The following CES5A variants were observed in gnomAD, a reference collection of about 807,000 sequenced individuals.
CES5A encodes the protein carboxylesterase 5.
In CES5A, 67 loss-of-function variants were observed where a neutral mutation model predicts 62.9. That is an observed-to-expected ratio of 1.07 (90% confidence interval 0.88 to 1.31). The LOEUF (loss-of-function observed/expected upper bound fraction) is 1.31. Ranked by LOEUF, CES5A falls within the 50% of genes most tolerant of loss-of-function variation. The pLI, the probability that CES5A is intolerant of heterozygous loss-of-function variation, is 0.00. For synonymous variants in CES5A, 296 were observed against 280.8 expected (o/e 1.05, Z -0.54); for missense variants, 748 against 708.5 (o/e 1.06, Z -0.63).
intron 10 of CES5A, among the ~76,000 whole-genome samples, chr16:55,850,527 G>C (rs2033110053): frequency 6.6e-6 from 1 of 152,108 alleles, no homozygotes; most frequent in Non-Finnish European, 1.5e-5. Context: ...TGTTTACAAG[G>C]CTCATCTGTG....
chr16:55,874,874 C>T (rs1262865113), intron 1 of CES5A, among the ~76,000 whole-genome samples: 3 of 152,214 alleles, frequency 2.0e-5, no homozygotes, highest in Non-Finnish European at 2.9e-5. Context: ...CTGTTCCTCA[C>T]GCTTCTCCAG....
At chr16:55,867,532 C>T (rs1258134824) in intron 4 of CES5A, among the ~76,000 whole-genome samples, 4 of 152,188 alleles carry the variant, frequency 2.6e-5, no homozygotes, top group Non-Finnish European at 5.9e-5. Context: ...TGTCTATGAC[C>T]ACTGAGCTGG....
intron 1 of CES5A, among the ~76,000 whole-genome samples, chr16:55,888,541 C>T (rs1335433748): frequency 6.6e-6 from 1 of 152,200 alleles, no homozygotes; most frequent in Non-Finnish European, 1.5e-5. Flanking sequence ...CACTTTTCAT[C>T]CACTACCCTG....
chr16:55,916,771 C>G (rs1218963136), intron 1 of CES5A, among the ~76,000 whole-genome samples: 2 of 152,202 alleles, frequency 1.3e-5, no homozygotes, highest in Non-Finnish European at 2.9e-5. Flanking sequence ...GGACACACCT[C>G]CTGCTGCCTA....
rs771274526 is a variant in CES5A, at chr16:55,846,614, T to C, written c.1565A>G (p.Asp522Gly). The part of the protein sequence containing the change: ...YNLTEQYLQL[D>G]LNMSLGQRLK... Reference sequence around the variant, plus strand: ...TCTCTGTCCGAGGCTCATGTTCAAGTCCAGCTGGAGGTACTGCTCAGTCAG... The same window carrying C: ...TCTCTGTCCGAGGCTCATGTTCAAGCCCAGCTGGAGGTACTGCTCAGTCAG... Residue 522 changes from aspartate to glycine, a missense_variant, in exon 13 of 13, where the codon GAC becomes GGC. Physicochemically the swap from Asp to Gly is moderately conservative, Grantham distance 94 (BLOSUM62 -1). Coordinates refer to ENST00000290567, the MANE Select transcript of CES5A (RefSeq NM_001143685.2). 9.9e-6 allele frequency: 16 copies of C among 1,613,950 alleles called. No individual in the cohort carries two copies. The highest frequency in any genetic ancestry group is 1.3e-5 in the African/African-American group (1 of 74,868).
At chr16:55,952,681 T>C (rs2034570862) in intron 1 of CES5A, among the ~76,000 whole-genome samples, 1 of 151,852 alleles carries the variant, frequency 6.6e-6, no homozygotes, top group Non-Finnish European at 1.5e-5. Context: ...AAACAATAAA[T>C]CACAATAAAC....
chr16:55,941,943 A>T (rs2034450646), intron 2 of CES5A, among the ~76,000 whole-genome samples: 1 of 152,180 alleles, frequency 6.6e-6, no homozygotes, highest in Admixed American at 6.5e-5. Context: ...AGACCTTTTA[A>T]TTGAAAAATA....
intron 2 of CES5A, among the ~76,000 whole-genome samples, chr16:55,938,746 AAAAAAAAAAAAAAAAAAAAAT>A (rs2034405801): frequency 4.4e-5 from 3 of 67,950 alleles, no homozygotes; most frequent in Admixed American, 1.7e-4. Flanking sequence ...AAAAAAAAAA[AAAAAAAAAAAAAAAAAAAAAT>A]ATATATATAT....
chr16:55,873,270 C>T (rs528742419), intron 2 of CES5A, among the ~76,000 whole-genome samples: 5 of 152,288 alleles, frequency 3.3e-5, no homozygotes, highest in African/African-American at 1.2e-4. Flanking sequence ...CTCCCAGAGT[C>T]CCTGCGTCAC....
At chr16:55,860,949 C>CA (rs1469525209) in intron 7 of CES5A, among the ~76,000 whole-genome samples, 2 of 152,232 alleles carry the variant, frequency 1.3e-5, no homozygotes, top group African/African-American at 4.8e-5. Flanking sequence ...TGTCAGCAGT[C>CA]AGCTAGATTT....
rs2033005313 is a variant in CES5A at position 55,846,319 on chromosome 16, A to G, written c.*132T>C. The G allele has an allele frequency of 1.4e-6, 1 of 692,288 alleles. No homozygotes were observed. The allele number at this position is 692,288 out of a possible 1,614,324, so 42.9% of individuals were successfully genotyped here. On this transcript the variant is annotated 3_prime_UTR_variant, in exon 13 of 13. Transcript: ENST00000290567. ...TTCTGTAAGGATCATTCCTAAGTCCATAAAATATCAGCGAAAGCAGCTTGT... is the reference window on the plus strand; with the variant it reads ...TTCTGTAAGGATCATTCCTAAGTCCGTAAAATATCAGCGAAAGCAGCTTGT...
Position 55,854,544 on chromosome 16 carries a change from C to CTTTTTTTTTTTTTTTTTTTTTTTTT in CES5A, c.1126-1517_1126-1516insAAAAAAAAAAAAAAAAAAAAAAAAA, listed in dbSNP as rs56017491. 9.3e-3 allele frequency among the ~76,000 whole-genome samples: 596 copies of CTTTTTTTTTTTTTTTTTTTTTTTTT among 64,284 alleles called. 48 individuals carry two copies. The highest frequency in any genetic ancestry group is 0.011 in the Non-Finnish European group (431 of 38,154). 42.2% of individuals were successfully genotyped at this position (64,284 alleles called of 152,430 possible). On this transcript the variant is annotated intron_variant, in intron 9 of 12. Coordinates refer to ENST00000290567, the MANE Select transcript of CES5A (RefSeq NM_001143685.2). ...CCTGTAGTGTTTCTTTTTTTTTTTTCTTTTTTTTTTTTTGAGACAGAGTCT... is the reference window on the plus strand; with the variant it reads ...CCTGTAGTGTTTCTTTTTTTTTTTTCTTTTTTTTTTTTTTTTTTTTTTTTTTTTTTTTTTTTTTGAGACAGAGTCT...
In CES5A at chr16:55,955,843, C is replaced by T; in HGVS notation, c.42+1G>A. The T allele has an allele frequency of 6.5e-7, 1 of 1,536,068 alleles. No individual in the cohort carries two copies. The highest frequency in any genetic ancestry group is 8.7e-7 in the Non-Finnish European group (1 of 1,146,864). On this transcript the variant is annotated splice_donor_variant, in intron 1 of 13. Coordinates refer to the CES5A transcript ENST00000521992. LOFTEE classifies it high-confidence loss of function. ...AGTAGCACCCTGTGGCTAATACTCA[C>T]CTTTAGGCCATGGCATGAAGCAGGG...
At chr16:55,891,754 G>A (rs1597137518) in intron 1 of CES5A, among the ~76,000 whole-genome samples, 1 of 152,094 alleles carries the variant, frequency 6.6e-6, no homozygotes, top group Non-Finnish European at 1.5e-5. Context: ...GGTTTTGGGG[G>A]TCCATGATAT....
chr16:55,897,668 T>C (rs957690174), intron 1 of CES5A, among the ~76,000 whole-genome samples: 2 of 152,216 alleles, frequency 1.3e-5, no homozygotes, highest in Admixed American at 6.5e-5. Flanking sequence ...AGATCCCACA[T>C]GGGACAGATA....
At chr16:55,895,891 CAA>C (rs1258250053) in intron 1 of CES5A, among the ~76,000 whole-genome samples, 1 of 152,066 alleles carries the variant, frequency 6.6e-6, no homozygotes. Context: ...CCCTTATGAA[CAA>C]ATTAATGCCC....
chr16:55,949,104 T>C (rs181100587), intron 2 of CES5A, among the ~76,000 whole-genome samples: 1 of 152,334 alleles, frequency 6.6e-6, no homozygotes. Context: ...ATACACGTAA[T>C]AATTCTCAGT....
Position 55,873,961 on chromosome 16 carries a change from G to T in CES5A, c.150C>A (p.Ser50Arg), listed in dbSNP as rs372320662. ...IQGKQVTVLGSPVPVNVFLGV... is the reference protein window; with the variant it reads ...IQGKQVTVLGRPVPVNVFLGV... ...CGAGGAACACGTTCACAGGCACAGG[G>T]CTTCCCAGCACAGTGACTTGCTTGC... is the stretch of plus-strand genomic sequence containing the variant. The change falls in exon 2 of 13, where the codon AGC (serine) becomes AGA (arginine). Residue 50 changes from serine to arginine, a missense_variant. Physicochemically the swap from Ser to Arg is moderately radical, Grantham distance 110 (BLOSUM62 -1). Transcript: ENST00000290567. 6.2e-7 allele frequency: 1 copy of T among 1,613,328 alleles called. No homozygotes were observed. The highest frequency in any genetic ancestry group is 8.5e-7 in the Non-Finnish European group (1 of 1,179,850).
At chr16:55,899,789 C>T (rs2033971868) in intron 1 of CES5A, among the ~76,000 whole-genome samples, 1 of 152,118 alleles carries the variant, frequency 6.6e-6, no homozygotes, top group South Asian at 2.1e-4. Flanking sequence ...AGGGCAGCCT[C>T]CCACTATTAA....
Sources: allele counts gnomAD v4.1 joint callset (sites outside exome capture counted in the v4.1 genomes callset), GRCh38; gene constraint gnomAD v4.1.1; transcripts MANE v1.5; gene names NCBI Gene and HGNC (gene_info 2026-07-23, HGNC 2026-07-21).